The following NTMT1 variants were observed in gnomAD, a reference collection of about 807,000 sequenced individuals.
NTMT1 encodes the protein N-terminal Xaa-Pro-Lys N-methyltransferase 1, also known as N-terminal RCC1 methyltransferase.
A neutral mutation model predicts 17.5 loss-of-function variants in NTMT1; 8 were observed. The ratio of observed to expected loss-of-function variants is 0.46; its 90% CI spans 0.27 to 0.82. NTMT1 has a LOEUF of 0.82. NTMT1 is among the 40% of genes least tolerant of loss of function. NTMT1 has a pLI of 0.15. For missense variants in NTMT1, 221 were observed against 303.5 expected, an observed-to-expected ratio of 0.73 and a Z score of 2.02; for synonymous variants, 128 against 126.8, an observed-to-expected ratio of 1.01 and a Z score of -0.06.
chr9:129,611,316 C>G (rs893762964), intron 1 of NTMT1, among the ~76,000 whole-genome samples: 1 of 152,312 alleles, frequency 6.6e-6, no homozygotes, highest in East Asian at 1.9e-4. Flanking sequence ...GGGAAAGAGG[C>G]GGCGGCTCAA....
intron 1 of NTMT1, among the ~76,000 whole-genome samples, chr9:129,630,964 G>A (rs531323000): frequency 7.2e-5 from 11 of 152,210 alleles, no homozygotes; most frequent in South Asian, 2.1e-4. Flanking sequence ...CACATCAGCC[G>A]AGAGTTGGTG....
Position 129,632,843 on chromosome 9 carries a change from A to C in NTMT1, c.140A>C (p.Lys47Thr), listed in dbSNP as rs1348278636. Residue 47 changes from lysine to threonine, a missense_variant, in exon 2 of 4, where the codon AAG becomes ACG. Lys to Thr is a moderately conservative substitution (Grantham distance 78). Transcript: ENST00000372483. The stretch of plus-strand genomic sequence containing the variant: ...AGCATCGACATCAACAGCTCCCGGA[A>C]GTTTCTGCAGAGGTTTTTGAGGGTA... ...ISSIDINSSR[K>T]FLQRFLREGP... 1 of 1,614,122 alleles carries C rather than the reference A, an allele frequency of 6.2e-7. No homozygotes were observed. The highest frequency in any genetic ancestry group is 1.3e-5 in the African/African-American group (1 of 75,030).
At chr9:129,633,954 C>T in intron 2 of NTMT1, 100 bp from the exon 3 acceptor site, 2 of 1,397,064 alleles carry the variant, frequency 1.4e-6, no homozygotes, top group South Asian at 1.4e-5. Context: ...GTGCGGAGTC[C>T]TGGAATCCTG....
intron 1 of NTMT1, among the ~76,000 whole-genome samples, chr9:129,618,868 G>GTTTTTTTT (rs34259203): frequency 7.8e-6 from 1 of 128,278 alleles, no homozygotes. Context: ...AATTTTTTGT[G>GTTTTTTTT]TTTTTTTTTT....
At chr9:129,626,324 A>T in intron 1 of NTMT1, 29 bp downstream of exon 1, 1 of 152,184 alleles carries the variant, frequency 6.6e-6, no homozygotes, top group East Asian at 1.9e-4. Context: ...TGCGAAGGGT[A>T]GGCAGCCGCT....
Position 129,620,250 on chromosome 9 carries a change from CG to C in NTMT1, c.-55+11074del. 7.5e-7 allele frequency: 1 copy of C among 1,336,236 alleles called. No homozygotes were observed. The highest frequency in any genetic ancestry group is 9.6e-7 in the Non-Finnish European group (1 of 1,037,738). 82.8% of individuals were successfully genotyped at this position (1,336,236 alleles called of 1,614,324 possible). A position where few individuals can be genotyped will look rare whatever the true frequency, so the allele number is the denominator to read the frequency against. ...CTGGGCGCCGATTCCCGGGACGCGC[CG>C]GCCGACAGCAGGGGAGGCGGCAGCA... On this transcript the variant is annotated intron_variant, in intron 1 of 3. Transcript: ENST00000372486. This position sits in a 1 kb window ranked among gnomAD's most constrained non-coding sequence, Gnocchi z 5.8.
rs924983133 is a variant in NTMT1, at chr9:129,636,008, C to G, written c.*544C>G. The stretch of plus-strand genomic sequence containing the variant: ...GAGACCTGGGGCCCTTAAAGTGTTA[C>G]AACAGCCTGCAGCAAGGGAAGTTCC... On this transcript the variant is annotated 3_prime_UTR_variant, in exon 4 of 4. Transcript: ENST00000372483. 6.5e-6 allele frequency: 1 copy of G among 152,902 alleles called. No homozygotes were observed. Among genetic ancestry groups the G allele is most frequent in the African/African-American group, 2.4e-5 (1 of 41,460 alleles). The allele number at this position is 152,902 out of a possible 1,614,324, so 9.5% of individuals were successfully genotyped here. A position where few individuals can be genotyped will look rare whatever the true frequency, so the allele number is the denominator to read the frequency against.
chr9:129,634,384 G>A, intron 3 of NTMT1, 78 bp downstream of exon 3: 1 of 1,500,148 alleles, frequency 6.7e-7, no homozygotes, highest in Non-Finnish European at 9.0e-7. Flanking sequence ...TCAGGACCAG[G>A]GCTTTGCACT....
chr9:129,627,941 A>C (rs1354828491), intron 1 of NTMT1, among the ~76,000 whole-genome samples: 3 of 152,232 alleles, frequency 2.0e-5, no homozygotes, highest in Non-Finnish European at 4.4e-5. Context: ...GAAGAGATGC[A>C]GTACCTTGGG....
Position 129,613,569 on chromosome 9 carries a change from C to T in NTMT1, c.-55+4391C>T. On this transcript the variant is annotated intron_variant, in intron 1 of 3. Transcript: ENST00000372486. This position sits in a 1 kb window ranked among gnomAD's most constrained non-coding sequence, Gnocchi z 6.2. ...GCTCGGACGCCACTGGCAGGGCGGC[C>T]TTCTGGTTCACAATGACGCTCTGTT... 4.3e-6 allele frequency: 7 copies of T among 1,614,206 alleles called. No homozygotes were observed. The highest frequency in any genetic ancestry group is 5.9e-6 in the Non-Finnish European group (7 of 1,180,030).
At position 129,611,198 on chromosome 9, in the gene NTMT1, A is replaced by T. The variant is rs187876960; in HGVS notation, c.-55+2020A>T. ...GCAGCCCATTCCTTTGCCATTAAACAAGGCGCCAGGGTGTGGATTCCCTGC... is the reference window on the plus strand; with the variant it reads ...GCAGCCCATTCCTTTGCCATTAAACTAGGCGCCAGGGTGTGGATTCCCTGC... On this transcript the variant is annotated intron_variant, in intron 1 of 3. Coordinates refer to the NTMT1 transcript ENST00000372486. Among the ~76,000 whole-genome samples the T allele has an allele frequency of 1.4e-3, 218 of 152,278 alleles. 2 individuals carry two copies. The highest frequency in any genetic ancestry group is 4.6e-3 in the African/African-American group (193 of 41,560).
At position 129,613,065 on chromosome 9, in the gene NTMT1, G is replaced by T. The variant is rs777643615; in HGVS notation, c.-55+3887G>T. The T allele has an allele frequency of 1.2e-5, 19 of 1,610,928 alleles. No homozygotes were observed. The highest frequency in any genetic ancestry group is 1.7e-5 in the Admixed American group (1 of 59,952). On this transcript the variant is annotated intron_variant, in intron 1 of 3. Transcript: ENST00000372486. This position sits in a 1 kb window ranked among gnomAD's most constrained non-coding sequence, Gnocchi z 6.2. ...CTCCCGGAGCCAGCTGCCAGCAGGG[G>T]CTCACCAGCTTCTAGGTCCAGGAGC...
chr9:129,622,209 C>G (rs527832423), upstream of NTMT1, among the ~76,000 whole-genome samples: 1 of 152,204 alleles, frequency 6.6e-6, no homozygotes, highest in South Asian at 2.1e-4. Flanking sequence ...ATGAACAGAC[C>G]CTGCGGGGCA....
chr9:129,613,183 G>A lies in NTMT1; in HGVS notation c.-55+4005G>A. On this transcript the variant is annotated intron_variant, in intron 1 of 3. Transcript: ENST00000372486. This position sits in a 1 kb window ranked among gnomAD's most constrained non-coding sequence, Gnocchi z 6.2. ...CCTCTGAGCAGCGGCCTTCTTCCAT[G>A]AACAGAAGGGCAGGCTGCTGTTCAT... 1.2e-6 allele frequency: 2 copies of A among 1,613,688 alleles called. No individual in the cohort carries two copies. Among genetic ancestry groups the A allele is most frequent in the Non-Finnish European group, 1.7e-6 (2 of 1,180,004 alleles).
Position 129,620,386 on chromosome 9 carries a change from C to T in NTMT1, c.-55+11208C>T, listed in dbSNP as rs1360297730. 2 of 1,231,816 alleles carry T rather than the reference C, an allele frequency of 1.6e-6. No individual in the cohort carries two copies. The highest frequency in any genetic ancestry group is 2.0e-6 in the Non-Finnish European group (2 of 987,960). 76.3% of individuals were successfully genotyped at this position (1,231,816 alleles called of 1,614,324 possible). A position where few individuals can be genotyped will look rare whatever the true frequency, so the allele number is the denominator to read the frequency against. ...CCACCCCGGGCTTGGCGTCCCCTTCCGGCCACCACGCGGCGCCGCCCCCCG... is the reference window on the plus strand; with the variant it reads ...CCACCCCGGGCTTGGCGTCCCCTTCTGGCCACCACGCGGCGCCGCCCCCCG... On this transcript the variant is annotated intron_variant, in intron 1 of 3. Coordinates refer to the NTMT1 transcript ENST00000372486. This position sits in a 1 kb window ranked among gnomAD's most constrained non-coding sequence, Gnocchi z 5.8.
rs1830164571 is a variant in NTMT1 at position 129,613,042 on chromosome 9, C to G, written c.-55+3864C>G. On this transcript the variant is annotated intron_variant, in intron 1 of 3. Coordinates refer to the NTMT1 transcript ENST00000372486. The surrounding 1 kb of genome is among the most constrained non-coding windows in gnomAD (Gnocchi z 6.2). Reference sequence around the variant, plus strand: ...AGCCACTCCACCAAACAGGGCTGCTCCCGGAGCCAGCTGCCAGCAGGGGCT... The same window carrying G: ...AGCCACTCCACCAAACAGGGCTGCTGCCGGAGCCAGCTGCCAGCAGGGGCT... 1 of 1,597,982 alleles carries G rather than the reference C, an allele frequency of 6.3e-7. No individual in the cohort carries two copies.
rs1460389860 is a variant in NTMT1 at position 129,614,045 on chromosome 9, GC to G, written c.-55+4872del. ...GAAAGGGCTGGGAAGCAGCAGGCTG[GC>G]CCCCACGTCTCCTGGGCACCCTGCT... On this transcript the variant is annotated intron_variant, in intron 1 of 3. Transcript: ENST00000372486. This position sits in a 1 kb window ranked among gnomAD's most constrained non-coding sequence, Gnocchi z 4.4. 1.3e-5 allele frequency among the ~76,000 whole-genome samples: 2 copies of G among 152,160 alleles called. No individual in the cohort carries two copies. The highest frequency in any genetic ancestry group is 4.8e-5 in the African/African-American group (2 of 41,436).
chr9:129,613,629 C>G lies in NTMT1; in HGVS notation c.-55+4451C>G. 1 of 1,612,932 alleles carries G rather than the reference C, an allele frequency of 6.2e-7. No individual in the cohort carries two copies. On this transcript the variant is annotated intron_variant, in intron 1 of 3. Coordinates refer to the NTMT1 transcript ENST00000372486. The surrounding 1 kb of genome is among the most constrained non-coding windows in gnomAD (Gnocchi z 6.2). ...GAAAGAGGGCAGGGTGAGATCTCTG[C>G]CCAGGAGGAGGGCACTGGTGCCCCC...
intron 1 of NTMT1, among the ~76,000 whole-genome samples, chr9:129,610,202 GGGA>G (rs1407037947): frequency 1.6e-5 from 2 of 124,260 alleles, no homozygotes; most frequent in Non-Finnish European, 3.5e-5. Context: ...GGAGGAGGGG[GGGA>G]GGAGGGAGGG....
Sources: gnomAD v4.1 joint callset for allele counts (sites outside exome capture counted in the v4.1 genomes callset) on GRCh38, gnomAD v4.1.1 for gene constraint, Gnocchi (gnomAD v3.1) non-coding constraint, MANE v1.5 for transcripts, NCBI Gene and HGNC (gene_info 2026-07-23, HGNC 2026-07-21) for gene names.